Variants in FREM2 observed in about 807,000 individuals in gnomAD.
FREM2 encodes the protein FRAS1-related extracellular matrix protein 2.
FREM2 carries 119 observed loss-of-function variants against 219.9 expected under a neutral mutation model. That is an observed-to-expected ratio of 0.54 (90% CI 0.47 to 0.63). The LOEUF (loss-of-function observed/expected upper bound fraction) is 0.63, where lower values mean the gene tolerates loss of function less well. Ranked by LOEUF, FREM2 falls within the 30% of genes least tolerant of loss-of-function variation. The pLI is 0.00. For synonymous variants in FREM2, 1,562 were observed against 1,522.8 expected (o/e 1.03, Z -0.60); for missense variants, 4,030 against 3,993.6 (o/e 1.01, Z -0.25).
intron 16 of FREM2, among the ~76,000 whole-genome samples, chr13:38,867,938 G>A (rs1878029924): frequency 6.6e-6 from 1 of 152,138 alleles, no homozygotes; most frequent in Non-Finnish European, 1.5e-5. Flanking sequence ...GTCTTTTCTG[G>A]AAACACTCTC....
chr13:38,853,317 GA>G (rs776640338), intron 11 of FREM2, among the ~76,000 whole-genome samples: 2,155 of 56,902 alleles, frequency 0.038, 36 homozygotes, highest in African/African-American at 0.11. Context: ...AACTCCGTCT[GA>G]AAAAAAAAAA....
At position 38,870,236 on chromosome 13, in the gene FREM2, T is replaced by C. The variant is rs527929579; in HGVS notation, c.7984-2506T>C. On this transcript the variant is annotated intron_variant, in intron 16 of 23. Coordinates refer to ENST00000280481, the MANE Select transcript of FREM2 (RefSeq NM_207361.6). Reference sequence around the variant, plus strand: ...CTTTGTACACTGATACTCTTTTATATGTAAGCCACTCTCAATTATTTTGCA... The same window carrying C: ...CTTTGTACACTGATACTCTTTTATACGTAAGCCACTCTCAATTATTTTGCA... Among the ~76,000 whole-genome samples the C allele has an allele frequency of 9.2e-5, 14 of 152,328 alleles. No individual in the cohort carries two copies. In the South Asian group the frequency reaches 2.7e-3, roughly 29 times the overall value.
At position 38,688,760 on chromosome 13, in the gene FREM2, T is replaced by C; in HGVS notation, c.1416T>C (p.Asp472=). Residue 472 remains aspartate, a synonymous_variant, in exon 1 of 24, where the codon GAT becomes GAC. Transcript: ENST00000280481. ...GTCCGCAAAACTTGGTCATCAGCGA[T>C]GAGGATGACCTAGAAGCAGTGCGGC... The part of the protein sequence containing the change: ...GSGPQNLVIS[D]EDDLEAVRLE... The C allele has an allele frequency of 1.2e-6, 2 of 1,614,050 alleles. No individual in the cohort carries two copies. The highest frequency in any genetic ancestry group is 1.7e-6 in the Non-Finnish European group (2 of 1,179,972).
At chr13:38,699,575 G>GA (rs1870259500) in intron 2 of FREM2, among the ~76,000 whole-genome samples, 1 of 152,040 alleles carries the variant, frequency 6.6e-6, no homozygotes, top group Non-Finnish European at 1.5e-5. Flanking sequence ...TAGAGAGAGA[G>GA]TTTCATGTGA....
At chr13:38,824,164 T>C (rs1593429647) in intron 6 of FREM2, among the ~76,000 whole-genome samples, 1 of 152,084 alleles carries the variant, frequency 6.6e-6, no homozygotes, top group African/African-American at 2.4e-5. Context: ...ATGATGATTT[T>C]ATGTAGAGAA....
chr13:38,766,771 A>G (rs1873452484), intron 3 of FREM2, among the ~76,000 whole-genome samples: 1 of 152,192 alleles, frequency 6.6e-6, no homozygotes, highest in Non-Finnish European at 1.5e-5. Context: ...TATTGCTACC[A>G]GTTATTGAAT....
At chr13:38,867,063 A>G (rs896112417) in intron 16 of FREM2, among the ~76,000 whole-genome samples, 5 of 151,978 alleles carry the variant, frequency 3.3e-5, no homozygotes, top group African/African-American at 9.7e-5. Context: ...TTTTCTTCCT[A>G]TGACTGCCAG....
At chr13:38,745,259 TAAAA>T (rs965574472) in intron 2 of FREM2, among the ~76,000 whole-genome samples, 2 of 152,156 alleles carry the variant, frequency 1.3e-5, no homozygotes, top group African/African-American at 4.8e-5. Flanking sequence ...ATAAATATAT[TAAAA>T]AGAAAAGCTT....
chr13:38,805,860 C>A (rs114470807), intron 6 of FREM2, among the ~76,000 whole-genome samples: 10,899 of 151,664 alleles, frequency 0.072, 737 homozygotes, highest in African/African-American at 0.18. Context: ...AATAAATATA[C>A]CTTTAGGCCC....
intron 6 of FREM2, among the ~76,000 whole-genome samples, chr13:38,815,509 C>T (rs949870291): frequency 2.0e-5 from 3 of 152,120 alleles, no homozygotes; most frequent in Non-Finnish European, 4.4e-5. Flanking sequence ...AAACAAGAGA[C>T]ATTACAACTG....
At chr13:38,801,924 T>A (rs537023149) in intron 6 of FREM2, among the ~76,000 whole-genome samples, 1 of 152,320 alleles carries the variant, frequency 6.6e-6, no homozygotes, top group South Asian at 2.1e-4. Flanking sequence ...AGGTCTGTTG[T>A]GGTGGCTGCA....
Position 38,878,997 on chromosome 13 carries a change from A to G in FREM2, c.9006+20A>G. On this transcript the variant is annotated intron_variant, in intron 23 of 23. Coordinates refer to ENST00000280481, the MANE Select transcript of FREM2 (RefSeq NM_207361.6). ...TTTCAGGTAGGCCAAAAACAAGCTC[A>G]TTTGTAGTAGTTGTGTACCCACATG... The G allele has an allele frequency of 6.2e-7, 1 of 1,612,342 alleles. No homozygotes were observed. The highest frequency in any genetic ancestry group is 8.5e-7 in the Non-Finnish European group (1 of 1,178,354).
At chr13:38,842,518 T>A (rs940219368) in intron 6 of FREM2, among the ~76,000 whole-genome samples, 9 of 152,018 alleles carry the variant, frequency 5.9e-5, no homozygotes, top group Non-Finnish European at 1.0e-4. Context: ...AGAAGAAAGA[T>A]CTCATTTGGA....
rs1475452869 is a variant in FREM2, at chr13:38,742,121, T to TC, written c.5264-22181dup. On this transcript the variant is annotated intron_variant, in intron 2 of 23. Coordinates refer to ENST00000280481, the MANE Select transcript of FREM2 (RefSeq NM_207361.6). ...TCTTCCTTACACTGCTCTTGAACTGTCCAAGTTTTAAGTATCTCTAACAGG... is the reference window on the plus strand; with the variant it reads ...TCTTCCTTACACTGCTCTTGAACTGTCCCAAGTTTTAAGTATCTCTAACAGG... Among the ~76,000 whole-genome samples the TC allele has an allele frequency of 4.6e-5, 7 of 152,210 alleles. No individual in the cohort carries two copies. The East Asian group carries it at 1.3e-3, about 29-fold the overall frequency.
Position 38,689,235 on chromosome 13 carries a change from A to G in FREM2, c.1891A>G (p.Lys631Glu), listed in dbSNP as rs770004708. The change falls in exon 1 of 24, where the codon AAG (lysine) becomes GAG (glutamate). Residue 631 changes from lysine to glutamate, a missense_variant. Transcript: ENST00000280481. ...KQELLRGLWR[K>E]EGAFYERTVT... The stretch of plus-strand genomic sequence containing the variant: ...GGAACTTCTCAGAGGCCTTTGGAGG[A>G]AGGAGGGGGCATTTTATGAGCGAAC... The G allele has an allele frequency of 4.3e-6, 7 of 1,613,866 alleles. No homozygotes were observed. The highest frequency in any genetic ancestry group is 5.9e-6 in the Non-Finnish European group (7 of 1,179,988).
rs45456498 is a variant in FREM2 at position 38,880,066 on chromosome 13, A to G, written c.9007-218A>G. ...ACTCTCTCATTCTATGACAACAAGT[A>G]TCACATATTCACTCCCTTAAGAGTT... is the stretch of plus-strand genomic sequence containing the variant. On this transcript the variant is annotated intron_variant, in intron 23 of 23. Coordinates refer to ENST00000280481, the MANE Select transcript of FREM2 (RefSeq NM_207361.6). Among the ~76,000 whole-genome samples the G allele has an allele frequency of 5.1e-4, 78 of 152,346 alleles. No homozygotes were observed. In the Middle Eastern group the frequency reaches 0.01, roughly 20 times the overall value.
chr13:38,743,468 A>G (rs992097542), intron 2 of FREM2, among the ~76,000 whole-genome samples: 9 of 152,068 alleles, frequency 5.9e-5, no homozygotes, highest in Admixed American at 3.9e-4. Flanking sequence ...GAGTTTCCCA[A>G]AAGAGGGATC....
In FREM2 at chr13:38,882,921, A is replaced by G. The variant is rs1394938204; in HGVS notation, c.*2134A>G. 6.6e-6 allele frequency: 1 copy of G among 152,228 alleles called. No homozygotes were observed. Among genetic ancestry groups the G allele is most frequent in the Non-Finnish European group, 1.5e-5 (1 of 68,032 alleles). 9.4% of individuals were successfully genotyped at this position (152,228 alleles called of 1,614,324 possible). Reference sequence around the variant, plus strand: ...CAATTTGGAGTCTGTCAATGAATATAGCAATCGGTGAAGCATTACTGTACG... The same window carrying G: ...CAATTTGGAGTCTGTCAATGAATATGGCAATCGGTGAAGCATTACTGTACG... On this transcript the variant is annotated 3_prime_UTR_variant, in exon 24 of 24. Coordinates refer to ENST00000280481, the MANE Select transcript of FREM2 (RefSeq NM_207361.6).
chr13:38,765,483 C>T (rs1041158063), intron 3 of FREM2, among the ~76,000 whole-genome samples: 3 of 152,062 alleles, frequency 2.0e-5, no homozygotes, highest in Non-Finnish European at 2.9e-5. Context: ...TAAACCTATG[C>T]TTGTCTCCAA....
Sources: gnomAD v4.1 joint callset for allele counts (sites outside exome capture counted in the v4.1 genomes callset) on GRCh38, gnomAD v4.1.1 for gene constraint, MANE v1.5 for transcripts, NCBI Gene and HGNC (gene_info 2026-07-23, HGNC 2026-07-21) for gene names.